RAP1GAP2: variants seen among roughly 807,000 people sequenced by gnomAD.
The protein encoded by RAP1GAP2 is rap1 GTPase-activating protein 2.
A neutral mutation model predicts 95.0 loss-of-function variants in RAP1GAP2; 27 were observed. That is an observed-to-expected ratio of 0.28 (90% CI 0.21 to 0.39). The LOEUF (loss-of-function observed/expected upper bound fraction) is 0.39, where lower values mean the gene tolerates loss of function less well. Among genes scored for constraint, RAP1GAP2 ranks in the 10% least tolerant of loss-of-function variants. RAP1GAP2 has a pLI of 1.00. For synonymous variants in RAP1GAP2, 373 were observed against 380.9 expected, an observed-to-expected ratio of 0.98 and a Z score of 0.24; for missense variants, 771 against 970.0, an observed-to-expected ratio of 0.79 and a Z score of 2.72.
At chr17:2,846,456 G>C (rs2071592221) in intron 2 of RAP1GAP2, among the ~76,000 whole-genome samples, 1 of 152,064 alleles carries the variant, frequency 6.6e-6, no homozygotes, top group African/African-American at 2.4e-5. Flanking sequence ...TGTCACTCAG[G>C]CTGGACTGCA....
At chr17:2,789,024 T>C (rs1465122895) in intron 1 of RAP1GAP2, among the ~76,000 whole-genome samples, 2 of 152,182 alleles carry the variant, frequency 1.3e-5, no homozygotes, top group Non-Finnish European at 2.9e-5. Context: ...TACACATTAA[T>C]GGGACGCCCG....
intron 4 of RAP1GAP2, among the ~76,000 whole-genome samples, chr17:2,959,225 AG>A (rs1211884497): frequency 6.6e-6 from 1 of 152,078 alleles, no homozygotes; most frequent in African/African-American, 2.4e-5. Context: ...TGCCCCACAC[AG>A]GGTCTCTCTG....
intron 3 of RAP1GAP2, among the ~76,000 whole-genome samples, chr17:2,937,496 T>C (rs8078257): frequency 0.22 from 33,357 of 151,992 alleles, 5,084 homozygotes; most frequent in African/African-American, 0.43. Flanking sequence ...TGCTGAATGA[T>C]TCACTGGCTC....
Position 2,825,264 on chromosome 17 carries a change from G to A in RAP1GAP2, c.80+24714G>A, listed in dbSNP as rs2070498688. Among the ~76,000 whole-genome samples the A allele has an allele frequency of 6.6e-6, 1 of 152,080 alleles. No homozygotes were observed. The highest frequency in any genetic ancestry group is 2.1e-4 in the South Asian group (1 of 4,798). ...TTCCCTTTCAAACACAGGCCTAGCA[G>A]CAGCATCTCTCCAGCCTGTCTCCGC... On this transcript the variant is annotated intron_variant, in intron 2 of 24. Transcript: ENST00000254695. The surrounding 1 kb of genome is among the most constrained non-coding windows in gnomAD (Gnocchi z 4.1).
chr17:2,920,793 T>C (rs1412303574), intron 3 of RAP1GAP2, among the ~76,000 whole-genome samples: 1 of 152,222 alleles, frequency 6.6e-6, no homozygotes, highest in East Asian at 1.9e-4. Context: ...GCCCTTCTGC[T>C]CTGCCAACTG....
At chr17:2,992,400 T>A (rs944579405) in intron 12 of RAP1GAP2, among the ~76,000 whole-genome samples, 2 of 152,036 alleles carry the variant, frequency 1.3e-5, no homozygotes, top group Non-Finnish European at 2.9e-5. Context: ...GACCTCATGA[T>A]CCGCCCGTCT....
intron 20 of RAP1GAP2, 83 bp from the exon 21 acceptor site, chr17:3,026,267 C>T: frequency 7.4e-7 from 1 of 1,354,044 alleles, no homozygotes; most frequent in Non-Finnish European, 1.0e-6. Flanking sequence ...GCGTGGGGAG[C>T]CGCCAGAGGT....
At chr17:2,756,164 G>T (rs2071139201) in intron 1 of RAP1GAP2, among the ~76,000 whole-genome samples, 1 of 152,252 alleles carries the variant, frequency 6.6e-6, no homozygotes, top group Non-Finnish European at 1.5e-5. Flanking sequence ...ACCCGGGGCA[G>T]GGCTCTGGAC....
chr17:2,939,587 C>T lies in RAP1GAP2; in HGVS notation c.166-18172C>T, dbSNP rs192083259. ...CTGGAGTCTCCAAACACACAAGACC[C>T]GGGGTCTCCTTCAGGCCCAACACTG... On this transcript the variant is annotated intron_variant, in intron 3 of 24. Coordinates refer to ENST00000254695, the MANE Select transcript of RAP1GAP2 (RefSeq NM_015085.5). Among the ~76,000 whole-genome samples, 7 of 152,110 alleles carry T rather than the reference C, an allele frequency of 4.6e-5. No individual in the cohort carries two copies. In the East Asian group the frequency reaches 9.6e-4, roughly 21 times the overall value.
intron 4 of RAP1GAP2, among the ~76,000 whole-genome samples, chr17:2,959,277 G>C (rs1406093661): frequency 6.6e-6 from 1 of 152,116 alleles, no homozygotes; most frequent in African/African-American, 2.4e-5. Flanking sequence ...TCAGAGTGTT[G>C]TGTTGTGTAG....
chr17:2,938,802 C>T (rs1009534393), intron 3 of RAP1GAP2, among the ~76,000 whole-genome samples: 14 of 152,000 alleles, frequency 9.2e-5, no homozygotes, highest in Non-Finnish European at 1.3e-4. Flanking sequence ...GCCTGGCCAA[C>T]GTCGCAAAAC....
intron 17 of RAP1GAP2, among the ~76,000 whole-genome samples, chr17:3,014,635 A>G (rs8081978): frequency 0.67 from 99,255 of 148,752 alleles, 32,896 homozygotes; most frequent in Admixed American, 0.69. Flanking sequence ...CTGCAACCCC[A>G]GCCTCCTGGA....
At chr17:3,016,247 T>C (rs778651551) in intron 17 of RAP1GAP2, among the ~76,000 whole-genome samples, 3 of 152,210 alleles carry the variant, frequency 2.0e-5, no homozygotes, top group African/African-American at 7.2e-5. Context: ...TTGGGAATCA[T>C]TGAGAAAACC....
At chr17:2,979,178 T>C (rs2045249515) in intron 8 of RAP1GAP2, among the ~76,000 whole-genome samples, 1 of 152,188 alleles carries the variant, frequency 6.6e-6, no homozygotes, top group African/African-American at 2.4e-5. Context: ...ATTTTCATAA[T>C]GTGCTGAATG....
chr17:2,956,945 A>G (rs984978776), intron 3 of RAP1GAP2, among the ~76,000 whole-genome samples: 9 of 152,054 alleles, frequency 5.9e-5, no homozygotes, highest in Non-Finnish European at 8.8e-5. Flanking sequence ...TGGCCAACAT[A>G]GTGAAACCCC....
chr17:2,969,081 AAC>A (rs1597755198), intron 8 of RAP1GAP2, among the ~76,000 whole-genome samples: 2 of 152,200 alleles, frequency 1.3e-5, no homozygotes, highest in African/African-American at 4.8e-5. Flanking sequence ...GTAGATTTTT[AAC>A]ACACATCACT....
chr17:2,822,360 G>A (rs758395973), intron 2 of RAP1GAP2, among the ~76,000 whole-genome samples: 10 of 152,198 alleles, frequency 6.6e-5, no homozygotes, highest in African/African-American at 7.2e-5. Flanking sequence ...CGTGGTTCAC[G>A]CCTGTAATCA....
At chr17:2,885,834 G>T (rs1211587835) in intron 2 of RAP1GAP2, among the ~76,000 whole-genome samples, 1 of 152,232 alleles carries the variant, frequency 6.6e-6, no homozygotes, top group Non-Finnish European at 1.5e-5. Flanking sequence ...GCCTCCTGGG[G>T]AGAATATCGC....
At chr17:2,881,397 A>G (rs889253899) in intron 2 of RAP1GAP2, among the ~76,000 whole-genome samples, 25 of 151,928 alleles carry the variant, frequency 1.6e-4, no homozygotes, top group African/African-American at 5.8e-4. Context: ...AGATGGAATC[A>G]CACAGTAGGT....
Sources: allele counts gnomAD v4.1 joint callset (sites outside exome capture counted in the v4.1 genomes callset), GRCh38; gene constraint gnomAD v4.1.1; non-coding constraint Gnocchi (gnomAD v3.1); transcripts MANE v1.5; gene names NCBI Gene and HGNC (gene_info 2026-07-23, HGNC 2026-07-21).